The following CFAP299 variants were observed in gnomAD, a reference collection of about 807,000 sequenced individuals.
The protein encoded by CFAP299 is cilia and flagella associated protein 299, also known as cilia- and flagella-associated protein 299.
CFAP299 carries 21 observed loss-of-function variants against 27.0 expected under a neutral mutation model. That is an observed-to-expected ratio of 0.78 (90% CI 0.55 to 1.12). The LOEUF is 1.12. CFAP299 is among the 50% of genes most tolerant of loss of function. The pLI is 0.00. For missense variants in CFAP299, 310 were observed against 276.6 expected, an observed-to-expected ratio of 1.12 and a Z score of -0.86; for synonymous variants, 104 against 98.1, an observed-to-expected ratio of 1.06 and a Z score of -0.36.
intron 3 of CFAP299, among the ~76,000 whole-genome samples, chr4:80,841,839 C>T (rs1260330525): frequency 6.6e-6 from 1 of 151,968 alleles, no homozygotes; most frequent in African/African-American, 2.4e-5. Flanking sequence ...ATTGAGAGGC[C>T]TTCTTACCTC....
chr4:80,731,511 G>A (rs1723521017), intron 3 of CFAP299, among the ~76,000 whole-genome samples: 1 of 152,224 alleles, frequency 6.6e-6, no homozygotes, highest in Admixed American at 6.5e-5. Flanking sequence ...AGCTTTAATG[G>A]GTGCAGGTGC....
intron 4 of CFAP299, among the ~76,000 whole-genome samples, chr4:80,910,051 A>G (rs1172939029): frequency 6.6e-6 from 1 of 152,152 alleles, no homozygotes; most frequent in Non-Finnish European, 1.5e-5. Flanking sequence ...ACAGCTGAAT[A>G]TATGTCTGAT....
At chr4:80,957,732 G>A (rs1409254530) in intron 5 of CFAP299, among the ~76,000 whole-genome samples, 1 of 152,088 alleles carries the variant, frequency 6.6e-6, no homozygotes, top group Non-Finnish European at 1.5e-5. Flanking sequence ...AAACCTAAAT[G>A]AGTGAGTAAT....
chr4:80,894,608 C>T (rs900961982), intron 4 of CFAP299, among the ~76,000 whole-genome samples: 4 of 151,688 alleles, frequency 2.6e-5, no homozygotes, highest in African/African-American at 9.7e-5. Context: ...ATTGGTACAG[C>T]CATTATGAAA....
chr4:80,694,571 G>T (rs879878871), intron 3 of CFAP299, among the ~76,000 whole-genome samples: 6 of 152,190 alleles, frequency 3.9e-5, no homozygotes, highest in Non-Finnish European at 5.9e-5. Flanking sequence ...CAATGTCTGT[G>T]TAGTGTTTAT....
At chr4:80,825,907 T>C (rs1297885125) in intron 3 of CFAP299, among the ~76,000 whole-genome samples, 1 of 151,944 alleles carries the variant, frequency 6.6e-6, no homozygotes. Flanking sequence ...AAGACACCAA[T>C]AAATTGTTTT....
At chr4:80,391,324 T>C (rs1725469027) in intron 2 of CFAP299, among the ~76,000 whole-genome samples, 1 of 152,212 alleles carries the variant, frequency 6.6e-6, no homozygotes, top group African/African-American at 2.4e-5. Context: ...TACCAATTTG[T>C]ATTCCTACCA....
At chr4:80,336,086 C>A (rs1363994645) in intron 1 of CFAP299, among the ~76,000 whole-genome samples, 1 of 152,180 alleles carries the variant, frequency 6.6e-6, no homozygotes, top group Admixed American at 6.5e-5. Context: ...AGAACTTGGG[C>A]CCCTAGAGTC....
At chr4:80,405,129 A>G (rs1726351246) in intron 2 of CFAP299, among the ~76,000 whole-genome samples, 1 of 152,178 alleles carries the variant, frequency 6.6e-6, no homozygotes, top group Non-Finnish European at 1.5e-5. Flanking sequence ...TACCTGCCCA[A>G]TATGGATCTC....
At chr4:80,351,870 TTAA>T (rs1431277056) in intron 1 of CFAP299, among the ~76,000 whole-genome samples, 3 of 150,306 alleles carry the variant, frequency 2.0e-5, no homozygotes, top group Admixed American at 6.6e-5. Flanking sequence ...TGTTTTATAA[TTAA>T]TGATTTATTA....
At chr4:80,708,932 A>C (rs1033218784) in intron 3 of CFAP299, among the ~76,000 whole-genome samples, 2 of 152,310 alleles carry the variant, frequency 1.3e-5, no homozygotes, top group Non-Finnish European at 2.9e-5. Context: ...ATAGGGAACC[A>C]GATTATGTTT....
chr4:80,426,006 A>G (rs1253464992), intron 2 of CFAP299, among the ~76,000 whole-genome samples: 1 of 152,210 alleles, frequency 6.6e-6, no homozygotes, highest in Non-Finnish European at 1.5e-5. Context: ...GCAAGTACAC[A>G]AAAGAAAGGG....
At chr4:80,647,140 G>A (rs1740062815) in intron 3 of CFAP299, among the ~76,000 whole-genome samples, 1 of 152,004 alleles carries the variant, frequency 6.6e-6, no homozygotes, top group African/African-American at 2.4e-5. Flanking sequence ...ATAGTTTGGA[G>A]ACTGCCACTC....
intron 3 of CFAP299, among the ~76,000 whole-genome samples, chr4:80,723,027 G>A (rs1373936932): frequency 6.6e-6 from 1 of 152,158 alleles, no homozygotes; most frequent in Admixed American, 6.5e-5. Context: ...TTAGAGAAGT[G>A]CAAATTAAAA....
chr4:80,864,436 A>ATATATATATATG (rs1401154151), intron 3 of CFAP299, among the ~76,000 whole-genome samples: 5 of 146,438 alleles, frequency 3.4e-5, no homozygotes, highest in African/African-American at 1.2e-4. Flanking sequence ...ATAGGTATAT[A>ATATATATATATG]TATATATATA....
intron 3 of CFAP299, among the ~76,000 whole-genome samples, chr4:80,730,588 T>G (rs1723464093): frequency 6.6e-6 from 1 of 152,040 alleles, no homozygotes; most frequent in Non-Finnish European, 1.5e-5. Context: ...TGAAGTGGAT[T>G]CTTCACTCCC....
At chr4:80,483,660 G>A (rs538652536) in intron 2 of CFAP299, among the ~76,000 whole-genome samples, 1 of 152,096 alleles carries the variant, frequency 6.6e-6, no homozygotes, top group Non-Finnish European at 1.5e-5. Context: ...CAGTTCTAAA[G>A]GGTATACATC....
chr4:80,872,611 G>A (rs1733158386), intron 4 of CFAP299: 1 of 152,022 alleles, frequency 6.6e-6, no homozygotes, highest in South Asian at 2.1e-4. Context: ...AAGTGATCTG[G>A]TTATCCCTCA....
intron 3 of CFAP299, among the ~76,000 whole-genome samples, chr4:80,828,198 C>T (rs1460185950): frequency 6.6e-6 from 1 of 151,796 alleles, no homozygotes; most frequent in Non-Finnish European, 1.5e-5. Context: ...AAAGTCCTTT[C>T]TGAAATTCAT....
Sources: allele counts gnomAD v4.1 joint callset (sites outside exome capture counted in the v4.1 genomes callset), GRCh38; gene constraint gnomAD v4.1.1; transcripts MANE v1.5; gene names NCBI Gene and HGNC (gene_info 2026-07-23, HGNC 2026-07-21).